The following NADSYN1 variants were observed in gnomAD, a reference collection of about 807,000 sequenced individuals.
NADSYN1 encodes glutamine-dependent NAD(+) synthetase.
NADSYN1 carries 80 observed loss-of-function variants against 99.3 expected under a neutral mutation model. That is an observed-to-expected ratio of 0.81 (90% confidence interval 0.67 to 0.97). The LOEUF (loss-of-function observed/expected upper bound fraction) is 0.97, where lower values mean the gene tolerates loss of function less well. Ranked by LOEUF, NADSYN1 falls within the 50% of genes least tolerant of loss-of-function variation. The pLI is 0.00. For synonymous variants in NADSYN1, 385 were observed against 372.1 expected (o/e 1.03, Z -0.40); for missense variants, 859 against 948.5 (o/e 0.91, Z 1.24).
chr11:71,481,884 C>T, intron 12 of NADSYN1, 39 bp from the exon 13 acceptor site: 1 of 1,580,428 alleles, frequency 6.3e-7, no homozygotes, highest in Non-Finnish European at 8.7e-7. Flanking sequence ...TGCTGCTTCT[C>T]CGAGGCTCTG....
rs981456799 is a variant in NADSYN1, at chr11:71,461,538, C to T, written c.264-1894C>T. On this transcript the variant is annotated intron_variant, in intron 3 of 20. Coordinates refer to ENST00000319023, the MANE Select transcript of NADSYN1 (RefSeq NM_018161.5). ...CTGCCACCCGGGTTCAAGCGATTCT[C>T]CTGCCTCAGCCTCCCAAGTAGCTGG... Among the ~76,000 whole-genome samples, 88 of 152,328 alleles carry T rather than the reference C, an allele frequency of 5.8e-4. 1 individual carries two copies. Among genetic ancestry groups the T allele is most frequent in the African/African-American group, 2.0e-3 (84 of 41,578 alleles).
chr11:71,478,476 G>T lies in NADSYN1; in HGVS notation c.873+7G>T. The stretch of plus-strand genomic sequence containing the variant: ...TTCATCTCGAAACCTGGCGGTGAGT[G>T]CTCCAGTAGACACCTGTGTGGGATG... On this transcript the variant is annotated splice_region_variant and intron_variant, in intron 10 of 20. Coordinates refer to ENST00000319023, the MANE Select transcript of NADSYN1 (RefSeq NM_018161.5). 3 of 1,595,292 alleles carry T rather than the reference G, an allele frequency of 1.9e-6. No individual in the cohort carries two copies. The highest frequency in any genetic ancestry group is 1.7e-5 in the Admixed American group (1 of 57,332).
In NADSYN1 at chr11:71,478,483, T is replaced by G; in HGVS notation, c.873+14T>G. ...CGAAACCTGGCGGTGAGTGCTCCAG[T>G]AGACACCTGTGTGGGATGCTCATCA... On this transcript the variant is annotated intron_variant, in intron 10 of 20. Transcript: ENST00000319023. The G allele has an allele frequency of 6.3e-7, 1 of 1,589,192 alleles. No homozygotes were observed. Among genetic ancestry groups the G allele is most frequent in the South Asian group, 1.1e-5 (1 of 87,398 alleles).
intron 5 of NADSYN1, among the ~76,000 whole-genome samples, chr11:71,467,500 G>T (rs1290963300): frequency 6.6e-6 from 1 of 152,210 alleles, no homozygotes; most frequent in East Asian, 1.9e-4. Flanking sequence ...GAAGATAAGT[G>T]TTCCTAATAC....
rs761019568 is a variant in NADSYN1, at chr11:71,501,375, T to A, written c.*23T>A. On this transcript the variant is annotated 3_prime_UTR_variant, in exon 21 of 21. Coordinates refer to ENST00000319023, the MANE Select transcript of NADSYN1 (RefSeq NM_018161.5). ...TGAGGCCGGTTCCTTCCTGGAGGCCTCCTGTCCTCGGGGACCCCAGCACCT... is the reference window on the plus strand; with the variant it reads ...TGAGGCCGGTTCCTTCCTGGAGGCCACCTGTCCTCGGGGACCCCAGCACCT... 4.4e-6 allele frequency: 7 copies of A among 1,587,314 alleles called. No individual in the cohort carries two copies. In the South Asian group the frequency reaches 6.9e-5, roughly 16 times the overall value.
At chr11:71,491,978 A>T in intron 18 of NADSYN1, 75 bp downstream of exon 18, 2 of 1,401,692 alleles carry the variant, frequency 1.4e-6, no homozygotes, top group East Asian at 2.4e-5. Flanking sequence ...GGCTCTTCCT[A>T]CCTCCCTCCT....
intron 9 of NADSYN1, 72 bp from the exon 10 acceptor site, chr11:71,478,323 C>T: frequency 1.5e-6 from 2 of 1,297,164 alleles, no homozygotes; most frequent in East Asian, 2.5e-5. Context: ...ACACCTTTGA[C>T]AGTGGCCAAA....
chr11:71,465,238 G>C lies in NADSYN1; in HGVS notation c.407+1096G>C, dbSNP rs78576619. Among the ~76,000 whole-genome samples the C allele has an allele frequency of 1.4e-3, 209 of 152,192 alleles. 3 individuals carry two copies. In the East Asian group the frequency reaches 0.035, roughly 26 times the overall value. On this transcript the variant is annotated intron_variant, in intron 5 of 20. Transcript: ENST00000319023. ...GGAAGGAGGTCATTGTGCCTGTGTA[G>C]GACATTGTGCCCTCAGAACAACTGT...
chr11:71,491,807 A>AC (rs771980695), intron 17 of NADSYN1, 27 bp from the exon 18 acceptor site: 3 of 1,612,230 alleles, frequency 1.9e-6, no homozygotes, highest in Admixed American at 1.7e-5. Flanking sequence ...AGCTGCACTG[A>AC]CCGACCTCTG....
chr11:71,482,172 C>T lies in NADSYN1; in HGVS notation c.1150+147C>T, dbSNP rs570934864. The T allele has an allele frequency of 2.2e-4, 150 of 690,838 alleles. 1 individual carries two copies. Among genetic ancestry groups the T allele is most frequent in the African/African-American group, 1.8e-3 (103 of 55,956 alleles). The allele number at this position is 690,838 out of a possible 1,614,324, so 42.8% of individuals were successfully genotyped here. On this transcript the variant is annotated intron_variant, in intron 13 of 20. Coordinates refer to ENST00000319023, the MANE Select transcript of NADSYN1 (RefSeq NM_018161.5). Reference sequence around the variant, plus strand: ...TTGTGGCCACGCACAAATGTCACAGCATCACATCCCAGTCCTGCAGCTAAG... The same window carrying T: ...TTGTGGCCACGCACAAATGTCACAGTATCACATCCCAGTCCTGCAGCTAAG...
In NADSYN1 at chr11:71,463,397, G is replaced by A. The variant is rs752845235; in HGVS notation, c.264-35G>A. The A allele has an allele frequency of 1.9e-6, 3 of 1,590,938 alleles. No homozygotes were observed. The South Asian group carries it at 3.3e-5, about 18-fold the overall frequency. On this transcript the variant is annotated intron_variant, in intron 3 of 20. Coordinates refer to ENST00000319023, the MANE Select transcript of NADSYN1 (RefSeq NM_018161.5). The stretch of plus-strand genomic sequence containing the variant: ...CCATGTGCTCTGTGTTTCATAACCG[G>A]GCAGACACACATGTACCTCCCCTCT...
rs1332609134 is a variant in NADSYN1, at chr11:71,478,314, C to T, written c.799-81C>T. 5 of 1,196,380 alleles carry T rather than the reference C, an allele frequency of 4.2e-6. No homozygotes were observed. The South Asian group carries it at 5.2e-5, about 12-fold the overall frequency. 74.1% of individuals were successfully genotyped at this position (1,196,380 alleles called of 1,614,324 possible). On this transcript the variant is annotated intron_variant, in intron 9 of 20. Coordinates refer to ENST00000319023, the MANE Select transcript of NADSYN1 (RefSeq NM_018161.5). The stretch of plus-strand genomic sequence containing the variant: ...GCCCCTGCTTTAGAAGGTGTGACAA[C>T]ACCTTTGACAGTGGCCAAATTACAC...
rs367641852 is a variant in NADSYN1 at position 71,464,037 on chromosome 11, G to A, written c.318-16G>A. ...TCAGGAGCCCGGTGTGCACAGCCCT[G>A]TTCCCCTGTCTGCAGGAAGATCCTG... On this transcript the variant is annotated splice_polypyrimidine_tract_variant and intron_variant, in intron 4 of 20. Coordinates refer to ENST00000319023, the MANE Select transcript of NADSYN1 (RefSeq NM_018161.5). 6.2e-7 allele frequency: 1 copy of A among 1,602,698 alleles called. No homozygotes were observed. The highest frequency in any genetic ancestry group is 1.1e-5 in the South Asian group (1 of 89,430).
In NADSYN1 at chr11:71,481,394, G is replaced by C; in HGVS notation, c.1037G>C (p.Arg346Pro). The C allele has an allele frequency of 6.2e-7, 1 of 1,614,008 alleles. No individual in the cohort carries two copies. Among genetic ancestry groups the C allele is most frequent in the Non-Finnish European group, 8.5e-7 (1 of 1,179,974 alleles). Residue 346 changes from arginine to proline, a missense_variant, in exon 12 of 21, where the codon CGA becomes CCA. Coordinates refer to ENST00000319023, the MANE Select transcript of NADSYN1 (RefSeq NM_018161.5). The part of the protein sequence containing the change: ...PACWLWDFLR[R>P]SQQAGFLLPL... ...TGCTGGCTCTGGGATTTTTTAAGAC[G>C]AAGTCAACAGGTAAGACTTCCAGTT...
intron 1 of NADSYN1, 96 bp from the exon 2 acceptor site, chr11:71,455,014 T>TTTTTTG (rs1949503762): frequency 4.5e-6 from 4 of 885,878 alleles, no homozygotes; most frequent in Admixed American, 2.6e-5. Context: ...GTTTGTTTTT[T>TTTTTTG]TTTTTATCCT....
chr11:71,476,117 T>C, intron 9 of NADSYN1: 1 of 456,310 alleles, frequency 2.2e-6, no homozygotes, highest in South Asian at 1.5e-5. Context: ...CTTTTAGTTC[T>C]GCCCCAAGCC....
At chr11:71,473,204 G>T in intron 6 of NADSYN1, 74 bp from the exon 7 acceptor site, 3 of 1,371,184 alleles carry the variant, frequency 2.2e-6, no homozygotes, top group Non-Finnish European at 2.1e-6. Context: ...CAGGATGTCC[G>T]TGGCCCTAGG....
chr11:71,474,757 G>A, intron 9 of NADSYN1: 5 of 513,528 alleles, frequency 9.7e-6, no homozygotes, highest in Non-Finnish European at 1.4e-5. Flanking sequence ...CGGGTGCTTA[G>A]TGAGGGCCCC....
chr11:71,482,072 T>C (rs1949711974), intron 13 of NADSYN1, 47 bp downstream of exon 13: 1 of 1,546,418 alleles, frequency 6.5e-7, no homozygotes, highest in Non-Finnish European at 8.8e-7. Context: ...GTCCAGCCCT[T>C]GGGCTGCCTG....
Sources: gnomAD v4.1 joint callset for allele counts (sites outside exome capture counted in the v4.1 genomes callset) on GRCh38, gnomAD v4.1.1 for gene constraint, MANE v1.5 for transcripts, NCBI Gene and HGNC (gene_info 2026-07-23, HGNC 2026-07-21) for gene names.